Variants in UGT1A9 observed in about 807,000 individuals in gnomAD.
UGT1A9 encodes UDP glucuronosyltransferase family 1 member A9.
A neutral mutation model predicts 45.0 loss-of-function variants in UGT1A9; 35 were observed. The observed-to-expected ratio is 0.78, with a 90% CI of 0.59 to 1.03. The LOEUF is 1.03. Ranked by LOEUF, UGT1A9 falls within the 50% of genes least tolerant of loss-of-function variation. UGT1A9 has a pLI of 0.00. For missense variants in UGT1A9, 687 were observed against 666.6 expected (o/e 1.03, Z -0.34); for synonymous variants, 278 against 250.6 (o/e 1.11, Z -1.03).
intron 1 of UGT1A9, among the ~76,000 whole-genome samples, chr2:233,734,101 T>TATA (rs549143261): frequency 0.029 from 4,376 of 151,364 alleles, 190 homozygotes; most frequent in African/African-American, 0.094. Flanking sequence ...AAACTTAAAG[T>TATA]ATAATAATAA....
intron 1 of UGT1A9, among the ~76,000 whole-genome samples, chr2:233,701,500 G>C (rs2075632905): frequency 6.6e-6 from 1 of 152,066 alleles, no homozygotes; most frequent in Admixed American, 6.5e-5. Flanking sequence ...GGACCTAATA[G>C]ACATCTACAG....
chr2:233,708,424 T>A (rs1288972358), intron 1 of UGT1A9: 2 of 152,202 alleles, frequency 1.3e-5, no homozygotes, highest in African/African-American at 4.8e-5. Context: ...CCAGTGAAGA[T>A]AAGAACTGGT....
At chr2:233,708,257 A>G (rs2076010533) in intron 1 of UGT1A9, among the ~76,000 whole-genome samples, 1 of 152,194 alleles carries the variant, frequency 6.6e-6, no homozygotes, top group Admixed American at 6.5e-5. Flanking sequence ...ACTTTCCTTC[A>G]TATCCTTGCC....
intron 1 of UGT1A9, among the ~76,000 whole-genome samples, chr2:233,717,377 A>G (rs1267305224): frequency 6.6e-6 from 1 of 152,110 alleles, no homozygotes; most frequent in Admixed American, 6.5e-5. Flanking sequence ...GCCCTTACAG[A>G]CCTGCCCTCT....
intron 1 of UGT1A9, among the ~76,000 whole-genome samples, chr2:233,726,247 G>C (rs1198671452): frequency 6.6e-6 from 1 of 152,198 alleles, no homozygotes; most frequent in Non-Finnish European, 1.5e-5. Flanking sequence ...AATATGAAAA[G>C]CTGGGTGCAG....
Position 233,772,366 on chromosome 2 carries a change from G to T in UGT1A9, c.1400G>T (p.Gly467Val). Residue 467 changes from glycine (G) to valine (V), a missense_variant, in exon 5 of 5, where the codon GGC (glycine) becomes GTC (valine). Physicochemically the swap from Gly to Val is moderately radical, Grantham distance 109. Transcript: ENST00000354728. ...GTGGAGTTTGTGATGAGGCACAAGG[G>T]CGCGCCACACCTGCGCCCCGCAGCC... ...FWVEFVMRHK[G>V]APHLRPAAHD... The T allele has an allele frequency of 6.2e-7, 1 of 1,614,234 alleles. No individual in the cohort carries two copies. The highest frequency in any genetic ancestry group is 8.5e-7 in the Non-Finnish European group (1 of 1,180,048).
intron 3 of UGT1A9, 52 bp downstream of exon 3, chr2:233,767,988 A>T: frequency 3.1e-6 from 5 of 1,614,160 alleles, no homozygotes; most frequent in Non-Finnish European, 3.4e-6. Context: ...AATTAAGAAA[A>T]TGGCTTAAGC....
chr2:233,718,525 G>A (rs1278661591), intron 1 of UGT1A9, among the ~76,000 whole-genome samples: 2 of 152,236 alleles, frequency 1.3e-5, no homozygotes, highest in East Asian at 3.8e-4. Flanking sequence ...GGTGTCCACA[G>A]CCTTGTGTTG....
chr2:233,768,682 G>A (rs375377866), intron 4 of UGT1A9, among the ~76,000 whole-genome samples: 30 of 141,324 alleles, frequency 2.1e-4, no homozygotes, highest in South Asian at 1.6e-3. Flanking sequence ...CACCTCCCAC[G>A]TTCAAGCAGT....
At position 233,772,285 on chromosome 2, in the gene UGT1A9, T is replaced by C. The variant is rs758411577; in HGVS notation, c.1319T>C (p.Leu440Pro). The change falls in exon 5 of 5, where the codon CTC becomes CCC. Residue 440 changes from leucine to proline, a missense_variant. Leu to Pro is a moderately conservative substitution (Grantham distance 98). Coordinates refer to ENST00000354728, the MANE Select transcript of UGT1A9 (RefSeq NM_021027.3). ...DKSYKENIMRLSSLHKDRPVE... is the reference protein window; with the variant it reads ...DKSYKENIMRPSSLHKDRPVE... ...AGTTACAAGGAGAACATCATGCGCC[T>C]CTCCAGCCTTCACAAGGACCGCCCG... 3.1e-6 allele frequency: 5 copies of C among 1,614,220 alleles called. No individual in the cohort carries two copies. The highest frequency in any genetic ancestry group is 3.4e-6 in the Non-Finnish European group (4 of 1,180,040).
At chr2:233,736,477 G>A (rs565407070) in intron 1 of UGT1A9, among the ~76,000 whole-genome samples, 3 of 152,154 alleles carry the variant, frequency 2.0e-5, no homozygotes, top group African/African-American at 7.2e-5. Context: ...GCTTGGAGAG[G>A]TTTGTTACTA....
chr2:233,702,602 A>G (rs2075695766), intron 1 of UGT1A9, among the ~76,000 whole-genome samples: 1 of 152,128 alleles, frequency 6.6e-6, no homozygotes, highest in Non-Finnish European at 1.5e-5. Flanking sequence ...TTTTTTGAGT[A>G]GATGCCCCCC....
chr2:233,704,016 G>A (rs1353580305), intron 1 of UGT1A9, among the ~76,000 whole-genome samples: 1 of 151,762 alleles, frequency 6.6e-6, no homozygotes. Context: ...TCAGCCGCCC[G>A]AGCAGCTGGA....
At chr2:233,711,551 A>G (rs1403446059) in intron 1 of UGT1A9, among the ~76,000 whole-genome samples, 2 of 152,184 alleles carry the variant, frequency 1.3e-5, no homozygotes, top group African/African-American at 2.4e-5. Context: ...CCTCCCCTGG[A>G]GAGTTCCCAA....
chr2:233,695,075 C>T (rs888068416), intron 1 of UGT1A9, among the ~76,000 whole-genome samples: 1 of 151,850 alleles, frequency 6.6e-6, no homozygotes, highest in Non-Finnish European at 1.5e-5. Flanking sequence ...GCACTTTGGA[C>T]TTACTCATTC....
intron 1 of UGT1A9, among the ~76,000 whole-genome samples, chr2:233,744,523 C>A (rs2125863777): frequency 6.6e-6 from 1 of 152,020 alleles, no homozygotes; most frequent in Non-Finnish European, 1.5e-5. Context: ...AATAGCAAAT[C>A]TTATTTTTAT....
At chr2:233,746,083 T>C (rs1367851746) in intron 1 of UGT1A9, among the ~76,000 whole-genome samples, 2 of 151,832 alleles carry the variant, frequency 1.3e-5, no homozygotes, top group Admixed American at 1.3e-4. Flanking sequence ...GAGTCACTTC[T>C]ATACAGAAAC....
At chr2:233,681,925 C>G in intron 1 of UGT1A9, 1 of 1,608,936 alleles carries the variant, frequency 6.2e-7, no homozygotes. Flanking sequence ...TGGCTCTGGG[C>G]TGAAGTTCTC....
At position 233,734,763 on chromosome 2, in the gene UGT1A9, C is replaced by T. The variant is rs776391017; in HGVS notation, c.856-32271C>T. Among the ~76,000 whole-genome samples, 117 of 152,240 alleles carry T rather than the reference C, an allele frequency of 7.7e-4. 1 individual carries two copies. The highest frequency in any genetic ancestry group is 1.4e-3 in the Non-Finnish European group (94 of 68,010). On this transcript the variant is annotated intron_variant, in intron 1 of 4. Transcript: ENST00000354728. ...AACATCTTTATTTCTGCCTTCACTT[C>T]GTTATTTACCCAGTAGTCATTCAGG...
Sources: gnomAD v4.1 joint callset for allele counts (sites outside exome capture counted in the v4.1 genomes callset) on GRCh38, gnomAD v4.1.1 for gene constraint, MANE v1.5 for transcripts, NCBI Gene and HGNC (gene_info 2026-07-23, HGNC 2026-07-21) for gene names.